CEP55: variants seen among roughly 807,000 people sequenced by gnomAD.
CEP55 encodes centrosomal protein 55.
A neutral mutation model predicts 63.2 loss-of-function variants in CEP55; 57 were observed. The observed-to-expected ratio is 0.90, with a 90% CI of 0.73 to 1.13. CEP55 has a LOEUF of 1.13. CEP55 is among the 50% of genes most tolerant of loss of function. The pLI, the probability that CEP55 is intolerant of heterozygous loss-of-function variation, is 0.00. For missense variants in CEP55, 456 were observed against 518.9 expected (o/e 0.88, Z 1.18); for synonymous variants, 178 against 191.6 (o/e 0.93, Z 0.59).
At chr10:93,504,576 A>G (rs987347341) in intron 3 of CEP55, among the ~76,000 whole-genome samples, 1 of 152,132 alleles carries the variant, frequency 6.6e-6, no homozygotes, top group Non-Finnish European at 1.5e-5. Context: ...TAGGGGAGAT[A>G]GTGATCAGAC....
At chr10:93,518,358 C>G (rs2057825115) in intron 6 of CEP55, among the ~76,000 whole-genome samples, 1 of 152,086 alleles carries the variant, frequency 6.6e-6, no homozygotes. Context: ...CCATGTTGGC[C>G]AGGCTGGTCT....
At chr10:93,517,706 A>G (rs2057818770) in intron 6 of CEP55, among the ~76,000 whole-genome samples, 1 of 152,256 alleles carries the variant, frequency 6.6e-6, no homozygotes, top group Non-Finnish European at 1.5e-5. Context: ...GGCATCTTCC[A>G]TGTTCTTGTT....
intron 5 of CEP55, among the ~76,000 whole-genome samples, chr10:93,515,961 T>G (rs909376162): frequency 7.9e-5 from 12 of 152,190 alleles, no homozygotes; most frequent in Non-Finnish European, 1.5e-4. Flanking sequence ...CTTAAATCAT[T>G]TGAACTTCAG....
intron 4 of CEP55, chr10:93,510,749 A>G (rs561693964): frequency 4.6e-5 from 7 of 152,312 alleles, no homozygotes; most frequent in South Asian, 2.1e-4. Flanking sequence ...CAACTTTAAT[A>G]AATTTAACAT....
At chr10:93,527,473 A>G (rs2057935841) in intron 8 of CEP55, among the ~76,000 whole-genome samples, 1 of 152,214 alleles carries the variant, frequency 6.6e-6, no homozygotes, top group African/African-American at 2.4e-5. Context: ...TAAATTCACA[A>G]CTACCTCATA....
chr10:93,526,117 C>T (rs531369989), intron 8 of CEP55, among the ~76,000 whole-genome samples: 128 of 152,216 alleles, frequency 8.4e-4, no homozygotes, highest in African/African-American at 3.0e-3. Context: ...AGCTTCTGCA[C>T]AGCAAAAGAA....
chr10:93,505,375 G>T (rs1008066379), intron 3 of CEP55, among the ~76,000 whole-genome samples: 2 of 152,152 alleles, frequency 1.3e-5, no homozygotes, highest in African/African-American at 2.4e-5. Flanking sequence ...CAAGTCCTCT[G>T]TATGTAGCTG....
intron 8 of CEP55, among the ~76,000 whole-genome samples, chr10:93,526,721 T>G (rs1337745614): frequency 6.6e-6 from 1 of 152,188 alleles, no homozygotes; most frequent in Non-Finnish European, 1.5e-5. Context: ...TAAGAAAATG[T>G]GGCACATATA....
chr10:93,510,385 T>C (rs746072356), intron 4 of CEP55, among the ~76,000 whole-genome samples: 2 of 152,238 alleles, frequency 1.3e-5, no homozygotes, highest in Non-Finnish European at 2.9e-5. Context: ...AGAATGAGTA[T>C]GATAACATAT....
chr10:93,510,464 ACT>A (rs1330830445), intron 4 of CEP55: 2 of 152,052 alleles, frequency 1.3e-5, no homozygotes, highest in Non-Finnish European at 1.5e-5. Context: ...CCCATTTTGC[ACT>A]CTGTTTTTCC....
At position 93,509,421 on chromosome 10, in the gene CEP55, A is replaced by AGCT. The variant is rs375395533; in HGVS notation, c.528+2379_528+2381dup. Among the ~76,000 whole-genome samples, 1,267 of 151,518 alleles carry AGCT rather than the reference A, an allele frequency of 8.4e-3. 16 individuals are homozygous for AGCT. Among genetic ancestry groups the AGCT allele is most frequent in the African/African-American group, 0.029 (1,205 of 41,352 alleles). ...TTTTCTGCATTTCCAGTAAACTCCT[A>AGCT]GCTGCTGCTGCTGCTGGCCCTTGGA... is the stretch of plus-strand genomic sequence containing the variant. On this transcript the variant is annotated intron_variant, in intron 4 of 8. Transcript: ENST00000371485.
At chr10:93,502,030 A>G (rs966243247) in intron 2 of CEP55, among the ~76,000 whole-genome samples, 2 of 152,180 alleles carry the variant, frequency 1.3e-5, no homozygotes, top group African/African-American at 2.4e-5. Flanking sequence ...TATTTTTCCT[A>G]TGCAAACTGA....
At position 93,506,985 on chromosome 10, in the gene CEP55, C is replaced by T. The variant is rs370737194; in HGVS notation, c.460-3C>T. 1.3e-5 allele frequency: 21 copies of T among 1,562,766 alleles called. No homozygotes were observed. In the East Asian group the frequency reaches 2.7e-4, roughly 20 times the overall value. ...ATGTTAACTAATGTTGGATTATTTA[C>T]AGACTGTGGCTCCAAACTGCTTCAA... On this transcript the variant is annotated splice_polypyrimidine_tract_variant and splice_region_variant and intron_variant, in intron 3 of 8. Coordinates refer to ENST00000371485, the MANE Select transcript of CEP55 (RefSeq NM_018131.5).
chr10:93,519,814 C>T lies in CEP55; in HGVS notation c.1191+7C>T, dbSNP rs2134491083. The T allele has an allele frequency of 6.2e-7, 1 of 1,613,886 alleles. No individual in the cohort carries two copies. The highest frequency in any genetic ancestry group is 8.5e-7 in the Non-Finnish European group (1 of 1,179,982). On this transcript the variant is annotated splice_region_variant and intron_variant, in intron 8 of 8. Transcript: ENST00000371485. ...AACACAGTTGGAATCCTTGGTGAGT[C>T]TGGAATGATTAAACTAAAATTTGTC...
intron 7 of CEP55, among the ~76,000 whole-genome samples, chr10:93,519,332 G>C (rs7098817): frequency 0.026 from 3,911 of 152,238 alleles, 189 homozygotes; most frequent in African/African-American, 0.09. Flanking sequence ...ATTATAAATG[G>C]TGTAAAGCAG....
chr10:93,523,405 T>G (rs2057884728), intron 8 of CEP55, among the ~76,000 whole-genome samples: 1 of 152,176 alleles, frequency 6.6e-6, no homozygotes, highest in African/African-American at 2.4e-5. Context: ...TAAATATATA[T>G]GCACCCAATA....
At chr10:93,510,997 G>C (rs1176216184) in intron 4 of CEP55, among the ~76,000 whole-genome samples, 1 of 145,936 alleles carries the variant, frequency 6.9e-6, no homozygotes, top group African/African-American at 2.6e-5. Flanking sequence ...GTAGTGCAGT[G>C]GCACGGTCTC....
intron 2 of CEP55, among the ~76,000 whole-genome samples, chr10:93,500,818 G>A (rs1264395898): frequency 1.3e-5 from 2 of 150,772 alleles, no homozygotes; most frequent in Non-Finnish European, 2.9e-5. Context: ...GGAGTACAGT[G>A]GCTTGATCAT....
At chr10:93,520,592 G>T (rs2057850768) in intron 8 of CEP55, among the ~76,000 whole-genome samples, 2 of 152,016 alleles carry the variant, frequency 1.3e-5, no homozygotes, top group African/African-American at 4.8e-5. Flanking sequence ...ATGATGAAAT[G>T]GTTTTTCACT....
Sources: allele counts gnomAD v4.1 joint callset (sites outside exome capture counted in the v4.1 genomes callset), GRCh38; gene constraint gnomAD v4.1.1; transcripts MANE v1.5; gene names NCBI Gene and HGNC (gene_info 2026-07-23, HGNC 2026-07-21).